Variants in DOCK4 observed in about 807,000 individuals in gnomAD.
DOCK4 encodes dedicator of cytokinesis protein 4.
In DOCK4, 97 loss-of-function variants were observed where a neutral mutation model predicts 268.1. The observed-to-expected ratio is 0.36, with a 90% CI of 0.31 to 0.43. The LOEUF (loss-of-function observed/expected upper bound fraction) is 0.43. DOCK4 is among the 20% of genes least tolerant of loss of function. The pLI, the probability that DOCK4 is intolerant of heterozygous loss-of-function variation, is 1.00. For missense variants in DOCK4, 2,145 were observed against 2,455.7 expected (o/e 0.87, Z 2.67); for synonymous variants, 954 against 887.2 (o/e 1.08, Z -1.34).
intron 30 of DOCK4, among the ~76,000 whole-genome samples, chr7:111,804,189 A>C (rs1009801660): frequency 7.2e-5 from 11 of 152,260 alleles, no homozygotes; most frequent in Non-Finnish European, 1.2e-4. Context: ...GAAGCAACCC[A>C]AATGTCCACT....
chr7:111,835,367 A>T lies in DOCK4; in HGVS notation c.2737-681T>A, dbSNP rs557914787. Among the ~76,000 whole-genome samples the T allele has an allele frequency of 7.9e-5, 12 of 152,326 alleles. No homozygotes were observed. In the South Asian group the frequency reaches 2.5e-3, roughly 32 times the overall value. On this transcript the variant is annotated intron_variant, in intron 25 of 52. Transcript: ENST00000428084. ...TTTATTCAGATGTCTTGGAAGATTG[A>T]AAACAATTTTTTTAATTGGCCATTC...
At chr7:112,152,452 T>C (rs148307813) in intron 1 of DOCK4, among the ~76,000 whole-genome samples, 90 of 152,294 alleles carry the variant, frequency 5.9e-4, no homozygotes, top group African/African-American at 2.0e-3. Context: ...GGGGTACAAG[T>C]CACAGAGTCC....
rs546293403 is a variant in DOCK4 at position 112,159,807 on chromosome 7, T to C, written c.37+46295A>G. On this transcript the variant is annotated intron_variant, in intron 1 of 52. Coordinates refer to ENST00000428084, the MANE Select transcript of DOCK4 (RefSeq NM_001363540.2). ...AAACAAGCATTTTGTATTATACTTA[T>C]GTATAATAATACATAATATTATGTA... Among the ~76,000 whole-genome samples, 11 of 145,080 alleles carry C rather than the reference T, an allele frequency of 7.6e-5. No homozygotes were observed. In the East Asian group the frequency reaches 1.6e-3, roughly 21 times the overall value.
intron 12 of DOCK4, among the ~76,000 whole-genome samples, chr7:111,933,594 C>G (rs1017184632): frequency 6.6e-6 from 1 of 151,864 alleles, no homozygotes; most frequent in Non-Finnish European, 1.5e-5. Flanking sequence ...CGCACCCAGC[C>G]GAGAATTGTA....
chr7:111,883,275 G>A (rs1187429125), intron 16 of DOCK4, among the ~76,000 whole-genome samples: 2 of 152,116 alleles, frequency 1.3e-5, no homozygotes, highest in Non-Finnish European at 2.9e-5. Flanking sequence ...CATGAGGGCA[G>A]CACCCCACAT....
intron 1 of DOCK4, among the ~76,000 whole-genome samples, chr7:112,032,169 T>C (rs974604413): frequency 6.6e-6 from 1 of 152,190 alleles, no homozygotes; most frequent in Non-Finnish European, 1.5e-5. Context: ...GTGTACATCA[T>C]CTTGGAGGAA....
chr7:111,969,442 A>C (rs1171459127), intron 8 of DOCK4, among the ~76,000 whole-genome samples: 5 of 82,856 alleles, frequency 6.0e-5, no homozygotes, highest in Non-Finnish European at 2.2e-5. Flanking sequence ...TTAAAAAAAC[A>C]AAAAAACAAA....
rs1355856524 is a variant in DOCK4 at position 111,791,101 on chromosome 7, A to ATATAT, written c.3167-497_3167-496insATATA. Among the ~76,000 whole-genome samples the ATATAT allele has an allele frequency of 3.0e-3, 349 of 115,828 alleles. 12 individuals carry two copies. The highest frequency in any genetic ancestry group is 0.01 in the African/African-American group (238 of 23,152). 76.0% of individuals were successfully genotyped at this position (115,828 alleles called of 152,430 possible). A position where few individuals can be genotyped will look rare whatever the true frequency, so the allele number is the denominator to read the frequency against. ...ATATATATATATATATATATATATA[A>ATATAT]AATAAATCATCAGGAATTGGTTATG... On this transcript the variant is annotated intron_variant, in intron 30 of 52. Transcript: ENST00000428084.
chr7:112,107,720 G>A (rs529672393), intron 1 of DOCK4, among the ~76,000 whole-genome samples: 3 of 152,316 alleles, frequency 2.0e-5, no homozygotes, highest in East Asian at 3.9e-4. Context: ...CTAGAGATGC[G>A]TAGAATTCTG....
At chr7:111,751,769 TAA>T (rs528352869) in intron 42 of DOCK4, among the ~76,000 whole-genome samples, 1 of 151,034 alleles carries the variant, frequency 6.6e-6, no homozygotes, top group African/African-American at 2.5e-5. Flanking sequence ...TTTTTTTTTT[TAA>T]AAAAGAGGGT....
intron 7 of DOCK4, among the ~76,000 whole-genome samples, chr7:111,982,149 C>T (rs184119794): frequency 6.6e-6 from 1 of 152,276 alleles, no homozygotes; most frequent in Admixed American, 6.5e-5. Flanking sequence ...CTCCTTCCTA[C>T]TGCCTGGAAT....
chr7:112,017,613 C>T (rs558349695), intron 1 of DOCK4, among the ~76,000 whole-genome samples: 10 of 152,272 alleles, frequency 6.6e-5, no homozygotes, highest in South Asian at 2.1e-4. Flanking sequence ...CACAACCTGG[C>T]GATCCATCCA....
At chr7:111,933,044 CAGG>C (rs1794325853) in intron 12 of DOCK4, among the ~76,000 whole-genome samples, 1 of 149,508 alleles carries the variant, frequency 6.7e-6, no homozygotes. Context: ...CATGGACAAT[CAGG>C]AGAAGTGTGT....
chr7:111,940,021 C>T, intron 11 of DOCK4, 89 bp downstream of exon 11: 2 of 1,368,402 alleles, frequency 1.5e-6, no homozygotes, highest in Non-Finnish European at 2.1e-6. Flanking sequence ...CATTGTTCTT[C>T]TCTACCCACC....
chr7:111,818,122 C>G (rs548836013), intron 27 of DOCK4, among the ~76,000 whole-genome samples: 24 of 152,338 alleles, frequency 1.6e-4, no homozygotes, highest in African/African-American at 5.5e-4. Flanking sequence ...CTGGATACCT[C>G]TCCACTTCCT....
At chr7:111,773,332 T>C (rs1266627360) in intron 36 of DOCK4, among the ~76,000 whole-genome samples, 1 of 152,174 alleles carries the variant, frequency 6.6e-6, no homozygotes, top group African/African-American at 2.4e-5. Flanking sequence ...AATAAAATGT[T>C]ACATGGGAAA....
intron 1 of DOCK4, among the ~76,000 whole-genome samples, chr7:112,167,558 T>C (rs1045693317): frequency 1.3e-5 from 2 of 152,222 alleles, no homozygotes; most frequent in African/African-American, 4.8e-5. Context: ...ATGGCAAAGA[T>C]ACATACTCAC....
At chr7:111,825,753 C>T (rs1003320584) in intron 26 of DOCK4, among the ~76,000 whole-genome samples, 2 of 152,018 alleles carry the variant, frequency 1.3e-5, no homozygotes, top group Non-Finnish European at 2.9e-5. Context: ...AAAAAAGAAA[C>T]AGGGAGGTGT....
intron 16 of DOCK4, among the ~76,000 whole-genome samples, chr7:111,878,975 G>A (rs995898443): frequency 3.3e-5 from 5 of 152,080 alleles, no homozygotes; most frequent in Non-Finnish European, 7.4e-5. Context: ...ATGTGACCTA[G>A]GGAGACACCT....
Sources: gnomAD v4.1 joint callset for allele counts (sites outside exome capture counted in the v4.1 genomes callset) on GRCh38, gnomAD v4.1.1 for gene constraint, MANE v1.5 for transcripts, NCBI Gene and HGNC (gene_info 2026-07-23, HGNC 2026-07-21) for gene names.